The following PTK2 variants were observed in gnomAD, a reference collection of about 807,000 sequenced individuals.
PTK2 encodes the protein focal adhesion kinase 1.
Under a neutral mutation model 150.1 loss-of-function variants are expected in PTK2, and 45 were observed. The observed-to-expected ratio is 0.30, with a 90% CI of 0.24 to 0.38. The LOEUF (loss-of-function observed/expected upper bound fraction) is 0.38. Among genes scored for constraint, PTK2 ranks in the 10% least tolerant of loss-of-function variants. The probability of loss-of-function intolerance (pLI) is 1.00; values close to 1 mark genes in which losing one functional copy is unlikely to be tolerated. For synonymous variants in PTK2, 432 were observed against 449.2 expected, an observed-to-expected ratio of 0.96 and a Z score of 0.48; for missense variants, 919 against 1,307.3, an observed-to-expected ratio of 0.70 and a Z score of 4.58.
intron 22 of PTK2, chr8:140,732,584 T>C (rs1327810207): frequency 1.9e-6 from 1 of 530,814 alleles, no homozygotes; most frequent in Non-Finnish European, 3.9e-6. Flanking sequence ...TGACCATCCC[T>C]GTCCTCAAGG....
At chr8:140,813,695 G>C (rs2100102942) in intron 10 of PTK2, among the ~76,000 whole-genome samples, 3 of 152,072 alleles carry the variant, frequency 2.0e-5, no homozygotes, top group African/African-American at 7.2e-5. Flanking sequence ...CGAAAAGTTA[G>C]ATCTCAGTTT....
chr8:140,932,594 C>T (rs940448278), intron 1 of PTK2, among the ~76,000 whole-genome samples: 3 of 152,180 alleles, frequency 2.0e-5, no homozygotes, highest in Non-Finnish European at 2.9e-5. Context: ...GTAATTTTTA[C>T]ACTGGACCAG....
intron 26 of PTK2, among the ~76,000 whole-genome samples, chr8:140,694,942 C>A (rs138484302): frequency 1.3e-5 from 2 of 152,194 alleles, no homozygotes; most frequent in Non-Finnish European, 2.9e-5. Flanking sequence ...GTGGCCCTCA[C>A]ACTACACCGC....
At chr8:140,687,193 C>T (rs1444166082) in intron 26 of PTK2, 1 of 158,864 alleles carries the variant, frequency 6.3e-6, no homozygotes, top group Non-Finnish European at 1.4e-5. Context: ...GGAAATTTCA[C>T]CAATATCAGA....
chr8:140,664,899 G>A lies in PTK2; in HGVS notation c.2946+18C>T, dbSNP rs2088028835. 6.2e-7 allele frequency: 1 copy of A among 1,610,502 alleles called. No individual in the cohort carries two copies. The highest frequency in any genetic ancestry group is 8.5e-7 in the Non-Finnish European group (1 of 1,177,878). ...CAGTGCTGTCACAGAGGGCTGCAAG[G>A]GGAAGATTGTGCCCTACCTCTCGGT... On this transcript the variant is annotated intron_variant, in intron 31 of 31. Coordinates refer to ENST00000522684, the Ensembl canonical transcript of PTK2.
At chr8:140,807,101 G>A (rs1164008417) in intron 10 of PTK2, among the ~76,000 whole-genome samples, 1 of 152,260 alleles carries the variant, frequency 6.6e-6, no homozygotes, top group Non-Finnish European at 1.5e-5. Flanking sequence ...GTAAGTGAAT[G>A]AAGTATGAGA....
intron 1 of PTK2, among the ~76,000 whole-genome samples, chr8:141,000,014 G>A (rs1219090395): frequency 1.9e-5 from 2 of 102,824 alleles, no homozygotes; most frequent in Admixed American, 1.9e-4. Flanking sequence ...GAAATGACTC[G>A]GAAAAAAAAA....
intron 7 of PTK2, among the ~76,000 whole-genome samples, chr8:140,844,765 G>A (rs1333612582): frequency 6.6e-6 from 1 of 152,114 alleles, no homozygotes; most frequent in Non-Finnish European, 1.5e-5. Context: ...GGTACCATAA[G>A]AGACTTTTTT....
At chr8:140,693,999 G>T (rs1285262674) in intron 26 of PTK2, among the ~76,000 whole-genome samples, 1 of 151,964 alleles carries the variant, frequency 6.6e-6, no homozygotes, top group Non-Finnish European at 1.5e-5. Context: ...ACCAGTTTAT[G>T]AAGATGAAAA....
chr8:140,865,250 G>A (rs116325060), intron 4 of PTK2, among the ~76,000 whole-genome samples: 5 of 152,324 alleles, frequency 3.3e-5, no homozygotes, highest in African/African-American at 7.2e-5. Context: ...TTTTTGTAGA[G>A]AGAGGGTCTC....
intron 7 of PTK2, among the ~76,000 whole-genome samples, chr8:140,844,284 C>A (rs903843931): frequency 6.6e-6 from 1 of 152,296 alleles, no homozygotes; most frequent in Middle Eastern, 3.4e-3. Flanking sequence ...TTTCCCCACA[C>A]TTCCTTTCCT....
chr8:140,853,067 G>C (rs1004109046), intron 5 of PTK2, among the ~76,000 whole-genome samples: 1 of 152,144 alleles, frequency 6.6e-6, no homozygotes, highest in Non-Finnish European at 1.5e-5. Flanking sequence ...GGTCTGGAAA[G>C]TGAATAAATG....
At chr8:140,926,754 T>G (rs1192915134) in intron 1 of PTK2, among the ~76,000 whole-genome samples, 4 of 152,224 alleles carry the variant, frequency 2.6e-5, no homozygotes, top group Admixed American at 6.5e-5. Context: ...ACTCTTACCA[T>G]GAAAATCTTA....
chr8:140,683,641 A>G (rs1488740819), intron 27 of PTK2, among the ~76,000 whole-genome samples: 1 of 152,110 alleles, frequency 6.6e-6, no homozygotes, highest in African/African-American at 2.4e-5. Flanking sequence ...AGCACAACAA[A>G]AAGCTAATCC....
Position 140,669,719 on chromosome 8 carries a change from G to C in PTK2, c.2710-1295C>G, listed in dbSNP as rs939683467. 4 of 1,533,462 alleles carry C rather than the reference G, an allele frequency of 2.6e-6. No homozygotes were observed. The highest frequency in any genetic ancestry group is 1.4e-5 in the African/African-American group (1 of 72,950). 95.0% of individuals were successfully genotyped at this position (1,533,462 alleles called of 1,614,324 possible). A position where few individuals can be genotyped will look rare whatever the true frequency, so the allele number is the denominator to read the frequency against. On this transcript the variant is annotated intron_variant, in intron 29 of 31. Transcript: ENST00000522684. The stretch of plus-strand genomic sequence containing the variant: ...CTGGACAGACACACAAAGACACGAT[G>C]TGCTTACCCTCCATGGCTATTGTCG...
At chr8:140,721,607 T>C (rs1422882414) in intron 22 of PTK2, 1 of 152,140 alleles carries the variant, frequency 6.6e-6, no homozygotes, top group African/African-American at 2.4e-5. Flanking sequence ...GGAACTACCA[T>C]TGCTTTTAAA....
At chr8:140,783,293 T>C (rs73371822) in intron 14 of PTK2, among the ~76,000 whole-genome samples, 5,917 of 152,152 alleles carry the variant, frequency 0.039, 302 homozygotes, top group African/African-American at 0.11. Context: ...GAACAAACCT[T>C]CTAGTCCAAG....
intron 14 of PTK2, among the ~76,000 whole-genome samples, chr8:140,783,309 G>C (rs1278654301): frequency 6.6e-6 from 1 of 152,202 alleles, no homozygotes; most frequent in Non-Finnish European, 1.5e-5. Context: ...CCAAGATCAA[G>C]ATTTCCATCA....
intron 2 of PTK2, among the ~76,000 whole-genome samples, chr8:140,902,314 C>G (rs190192700): frequency 6.6e-6 from 1 of 152,200 alleles, no homozygotes; most frequent in Non-Finnish European, 1.5e-5. Flanking sequence ...GGATTACAGG[C>G]GTGAGCCACC....
Sources: allele counts gnomAD v4.1 joint callset (sites outside exome capture counted in the v4.1 genomes callset), GRCh38; gene constraint gnomAD v4.1.1; transcripts MANE v1.5; gene names NCBI Gene and HGNC (gene_info 2026-07-23, HGNC 2026-07-21).